DGKI: variants seen among roughly 807,000 people sequenced by gnomAD.
The protein encoded by DGKI is DAG kinase iota.
In DGKI, 55 loss-of-function variants were observed where a neutral mutation model predicts 147.5. The observed-to-expected ratio is 0.37, with a 90% CI of 0.30 to 0.47. The LOEUF (loss-of-function observed/expected upper bound fraction) is 0.47. Ranked by LOEUF, DGKI falls within the 20% of genes least tolerant of loss-of-function variation. The probability of loss-of-function intolerance (pLI) is 1.00; values close to 1 mark genes in which losing one functional copy is unlikely to be tolerated. For synonymous variants in DGKI, 469 were observed against 477.1 expected, an observed-to-expected ratio of 0.98 and a Z score of 0.22; for missense variants, 1,007 against 1,323.8, an observed-to-expected ratio of 0.76 and a Z score of 3.71.
At chr7:137,400,811 A>G (rs1811725457) in intron 30 of DGKI, among the ~76,000 whole-genome samples, 1 of 152,224 alleles carries the variant, frequency 6.6e-6, no homozygotes, top group Non-Finnish European at 1.5e-5. Flanking sequence ...AATTTAATTA[A>G]CTTCAACTTT....
intron 1 of DGKI, among the ~76,000 whole-genome samples, chr7:137,742,976 G>C (rs574438635): frequency 6.6e-6 from 1 of 152,132 alleles, no homozygotes. Flanking sequence ...AGCAGGAGTC[G>C]CTAATCTTGA....
At chr7:137,657,132 CAATAAT>C (rs1031940057) in intron 3 of DGKI, among the ~76,000 whole-genome samples, 7 of 152,182 alleles carry the variant, frequency 4.6e-5, no homozygotes, top group African/African-American at 1.7e-4. Flanking sequence ...GCCCAGGAAA[CAATAAT>C]AAGAATAGCA....
intron 1 of DGKI, among the ~76,000 whole-genome samples, chr7:137,710,419 A>G (rs1374192712): frequency 1.3e-5 from 2 of 152,166 alleles, no homozygotes; most frequent in African/African-American, 4.8e-5. Context: ...GTATTAAGAC[A>G]GAAATAAACA....
chr7:137,438,203 C>T (rs1813355266), intron 28 of DGKI, among the ~76,000 whole-genome samples: 1 of 151,950 alleles, frequency 6.6e-6, no homozygotes, highest in Admixed American at 6.6e-5. Context: ...ACATAGAATA[C>T]ATTAAAAAGT....
chr7:137,505,551 A>G (rs1816337461), intron 21 of DGKI, among the ~76,000 whole-genome samples: 1 of 152,186 alleles, frequency 6.6e-6, no homozygotes, highest in Non-Finnish European at 1.5e-5. Context: ...TTTTAAAATA[A>G]GATTAAAAAA....
intron 1 of DGKI, among the ~76,000 whole-genome samples, chr7:137,803,963 C>T (rs1026248130): frequency 1.3e-5 from 2 of 152,206 alleles, no homozygotes; most frequent in Non-Finnish European, 2.9e-5. Context: ...AGCTAACAAG[C>T]ATGCCCACTT....
At chr7:137,778,843 T>C (rs764410866) in intron 1 of DGKI, among the ~76,000 whole-genome samples, 9 of 152,150 alleles carry the variant, frequency 5.9e-5, no homozygotes, top group Admixed American at 5.2e-4. Flanking sequence ...ATATGTTAAA[T>C]AGAGAGAAGT....
chr7:137,816,105 C>T (rs1284643771), intron 1 of DGKI, among the ~76,000 whole-genome samples: 2 of 152,118 alleles, frequency 1.3e-5, no homozygotes, highest in Non-Finnish European at 2.9e-5. Context: ...ATATGACCAA[C>T]ATTTAGTTCA....
At chr7:137,569,857 T>C (rs1202409776) in intron 19 of DGKI, among the ~76,000 whole-genome samples, 1 of 148,054 alleles carries the variant, frequency 6.8e-6, no homozygotes, top group African/African-American at 2.5e-5. Context: ...CATAAAAAGC[T>C]CTGGAGATAA....
At chr7:137,468,302 T>C (rs947150553) in intron 24 of DGKI, among the ~76,000 whole-genome samples, 1 of 149,900 alleles carries the variant, frequency 6.7e-6, no homozygotes, top group Non-Finnish European at 1.5e-5. Flanking sequence ...TTAAAGGTTT[T>C]ATTTTATTAA....
At chr7:137,627,931 C>T (rs1820999655) in intron 6 of DGKI, among the ~76,000 whole-genome samples, 2 of 152,186 alleles carry the variant, frequency 1.3e-5, no homozygotes, top group South Asian at 2.1e-4. Context: ...CAAACCTCTC[C>T]TATAACACTA....
intron 12 of DGKI, among the ~76,000 whole-genome samples, chr7:137,588,787 C>T (rs1190398065): frequency 6.6e-6 from 1 of 152,092 alleles, no homozygotes; most frequent in African/African-American, 2.4e-5. Context: ...ATACCGATGC[C>T]TTTCTATGTG....
At chr7:137,506,639 A>G (rs1816377557) in intron 21 of DGKI, among the ~76,000 whole-genome samples, 1 of 152,202 alleles carries the variant, frequency 6.6e-6, no homozygotes, top group Non-Finnish European at 1.5e-5. Context: ...ATCAATAGTA[A>G]CAAATGAACC....
intron 27 of DGKI, among the ~76,000 whole-genome samples, chr7:137,446,009 C>G (rs1039461627): frequency 6.6e-6 from 1 of 152,178 alleles, no homozygotes; most frequent in African/African-American, 2.4e-5. Context: ...GAATCAGCCA[C>G]AAGGAAATAT....
At chr7:137,395,279 C>A (rs189566892) in intron 32 of DGKI, among the ~76,000 whole-genome samples, 9 of 152,290 alleles carry the variant, frequency 5.9e-5, no homozygotes, top group African/African-American at 2.2e-4. Flanking sequence ...GAAAATGGTC[C>A]TGACCCCTCT....
rs1040660825 is a variant in DGKI, at chr7:137,554,452, T to C, written c.1948-1884A>G. On this transcript the variant is annotated intron_variant, in intron 19 of 32. Coordinates refer to ENST00000614521, the MANE Select transcript of DGKI (RefSeq NM_001321708.2). ...GTTAGTCTTCTGAGAACGTCAGATATTGCTTTTCTGTGACTTGAGAGGAAA... is the reference window on the plus strand; with the variant it reads ...GTTAGTCTTCTGAGAACGTCAGATACTGCTTTTCTGTGACTTGAGAGGAAA... 1.1e-3 allele frequency among the ~76,000 whole-genome samples: 172 copies of C among 152,156 alleles called. 1 individual carries two copies. The highest frequency in any genetic ancestry group is 2.4e-4 in the Non-Finnish European group (16 of 68,034).
chr7:137,382,140 G>C lies in DGKI; in HGVS notation c.*9080C>G, dbSNP rs568432135. 6.6e-6 allele frequency: 1 copy of C among 151,970 alleles called. No homozygotes were observed. Among genetic ancestry groups the C allele is most frequent in the East Asian group, 1.9e-4 (1 of 5,176 alleles). The allele number at this position is 151,970 out of a possible 1,614,324, so 9.4% of individuals were successfully genotyped here. A position where few individuals can be genotyped will look rare whatever the true frequency, so the allele number is the denominator to read the frequency against. On this transcript the variant is annotated 3_prime_UTR_variant, in exon 33 of 33. Transcript: ENST00000614521. Reference sequence around the variant, plus strand: ...TAAATTTGAAATTACCTATAAATTTGAAACAAAAAATAGGGTAAACTGACA... The same window carrying C: ...TAAATTTGAAATTACCTATAAATTTCAAACAAAAAATAGGGTAAACTGACA...
intron 1 of DGKI, among the ~76,000 whole-genome samples, chr7:137,733,866 T>C (rs567188987): frequency 1.3e-5 from 2 of 152,202 alleles, no homozygotes; most frequent in African/African-American, 4.8e-5. Flanking sequence ...TGGTCACTTG[T>C]ATGGTTTCAC....
chr7:137,672,298 A>G (rs184712991), intron 3 of DGKI, among the ~76,000 whole-genome samples: 1 of 152,374 alleles, frequency 6.6e-6, no homozygotes, highest in East Asian at 1.9e-4. Flanking sequence ...CAAAGAAGCC[A>G]TAAAGCTCTG....
Sources: allele counts gnomAD v4.1 joint callset (sites outside exome capture counted in the v4.1 genomes callset), GRCh38; gene constraint gnomAD v4.1.1; transcripts MANE v1.5; gene names NCBI Gene and HGNC (gene_info 2026-07-23, HGNC 2026-07-21).